Variants in SOCS7 observed in about 807,000 individuals in gnomAD.
SOCS7 encodes NAP-4.
SOCS7 carries 18 observed loss-of-function variants against 58.9 expected under a neutral mutation model. The observed-to-expected ratio is 0.31, with a 90% CI of 0.21 to 0.45. SOCS7 has a LOEUF of 0.45. SOCS7 is among the 20% of genes least tolerant of loss of function. SOCS7 has a pLI of 1.00. For missense variants in SOCS7, 667 were observed against 837.3 expected, an observed-to-expected ratio of 0.80 and a Z score of 2.51; for synonymous variants, 388 against 364.3, an observed-to-expected ratio of 1.06 and a Z score of -0.74.
At position 38,366,397 on chromosome 17, in the gene SOCS7, A is replaced by G; in HGVS notation, c.1363A>G (p.Ser455Gly). The part of the protein sequence containing the change: ...YRPDSSSFAA[S>G]LRELEKCGWY... ...GCCTGACTCGAGCAGCTTTGCAGCC[A>G]GCCTTCGAGAGTTGGAGAAGGTAGG... The change falls in exon 5 of 10, where the codon AGC (serine) becomes GGC (glycine). Residue 455 changes from serine (S) to glycine (G), a missense_variant. Coordinates refer to ENST00000612932, the MANE Select transcript of SOCS7 (RefSeq NM_014598.4). The G allele has an allele frequency of 6.2e-7, 1 of 1,614,230 alleles. No homozygotes were observed. Among genetic ancestry groups the G allele is most frequent in the Non-Finnish European group, 8.5e-7 (1 of 1,180,044 alleles).
At chr17:38,365,236 C>T in intron 3 of SOCS7, 72 bp from the exon 4 acceptor site, 2 of 1,168,924 alleles carry the variant, frequency 1.7e-6, no homozygotes, top group Non-Finnish European at 2.5e-6. Flanking sequence ...GTCCTTCTCC[C>T]TCTCCTCTGC....
intron 6 of SOCS7, among the ~76,000 whole-genome samples, chr17:38,371,544 AC>A (rs2037865481): frequency 4.3e-4 from 1 of 2,340 alleles, no homozygotes; most frequent in South Asian, 0.036. Flanking sequence ...TGTTGGGATT[AC>A]TGGCGAACTC....
chr17:38,387,113 A>ATATATGTGTGTGTG, intron 7 of SOCS7, among the ~76,000 whole-genome samples: 1 of 103,486 alleles, frequency 9.7e-6, no homozygotes, highest in East Asian at 2.5e-4. Flanking sequence ...ATATATATAT[A>ATATATGTGTGTGTG]TATATATATA....
intron 1 of SOCS7, among the ~76,000 whole-genome samples, chr17:38,353,902 C>G (rs1188908885): frequency 1.3e-5 from 2 of 152,148 alleles, no homozygotes; most frequent in Non-Finnish European, 2.9e-5. Flanking sequence ...CTCCAGCTTG[C>G]GTGACAGAGT....
At chr17:38,361,650 A>C (rs1555567587) in intron 1 of SOCS7, 61 bp from the exon 2 acceptor site, 2 of 1,274,792 alleles carry the variant, frequency 1.6e-6, no homozygotes, top group African/African-American at 2.9e-5. Context: ...TGTTGTGGTG[A>C]CTTAAATGCA....
chr17:38,355,666 C>A (rs983768460), intron 1 of SOCS7, among the ~76,000 whole-genome samples: 3 of 152,180 alleles, frequency 2.0e-5, no homozygotes, highest in Non-Finnish European at 2.9e-5. Flanking sequence ...CTTCTATAGT[C>A]TTTGCTGTAT....
At chr17:38,377,962 AC>A in intron 7 of SOCS7, 120 bp downstream of exon 7, 1 of 865,556 alleles carries the variant, frequency 1.2e-6, no homozygotes. Flanking sequence ...TGTTGGAGCC[AC>A]CACTCCTCTT....
intron 6 of SOCS7, among the ~76,000 whole-genome samples, chr17:38,377,458 T>G (rs1323852616): frequency 6.6e-6 from 1 of 152,158 alleles, no homozygotes; most frequent in Admixed American, 6.5e-5. Context: ...GTCTCAAGCA[T>G]TTCGGATAAG....
At chr17:38,362,051 A>T (rs1555567679) in intron 2 of SOCS7, among the ~76,000 whole-genome samples, 1 of 152,230 alleles carries the variant, frequency 6.6e-6, no homozygotes, top group Non-Finnish European at 1.5e-5. Context: ...CAGGGTCATC[A>T]CATATAAATT....
At chr17:38,365,841 G>A (rs1039336307) in intron 4 of SOCS7, 1 of 289,122 alleles carries the variant, frequency 3.5e-6, no homozygotes, top group African/African-American at 2.2e-5. Flanking sequence ...TGCTTTGCCA[G>A]CTTACAGTAC....
At chr17:38,366,009 C>A (rs1478633467) in intron 4 of SOCS7, 9 of 1,193,698 alleles carry the variant, frequency 7.5e-6, no homozygotes, top group Non-Finnish European at 8.3e-6. Context: ...GCTGGTGAAG[C>A]CCCTGAAGTA....
In SOCS7 at chr17:38,352,050, C is replaced by T. The variant is rs1364865774; in HGVS notation, c.-3C>T. On this transcript the variant is annotated 5_prime_UTR_variant, in exon 1 of 10. Coordinates refer to ENST00000612932, the MANE Select transcript of SOCS7 (RefSeq NM_014598.4). This position sits in a 1 kb window ranked among gnomAD's most constrained non-coding sequence, Gnocchi z 5.5. ...AGCCGCCCGCCCTCCCTCCCTCTCC[C>T]CGATGCAGGAGGCCGAGCTCCGGGA... Among the ~76,000 whole-genome samples, 1 of 151,300 alleles carries T rather than the reference C, an allele frequency of 6.6e-6. No homozygotes were observed. The highest frequency in any genetic ancestry group is 1.5e-5 in the Non-Finnish European group (1 of 67,698).
chr17:38,358,016 G>T (rs1464272951), intron 1 of SOCS7, among the ~76,000 whole-genome samples: 3 of 152,164 alleles, frequency 2.0e-5, no homozygotes, highest in Non-Finnish European at 4.4e-5. Context: ...GAGGCATCCT[G>T]TTTTTTTGTT....
At chr17:38,393,878 C>T (rs528860725) in intron 7 of SOCS7, among the ~76,000 whole-genome samples, 1 of 151,694 alleles carries the variant, frequency 6.6e-6, no homozygotes, top group East Asian at 1.9e-4. Context: ...CCAGCCTGGG[C>T]GACAGAGCAA....
chr17:38,375,488 T>C (rs1484579402), intron 6 of SOCS7, among the ~76,000 whole-genome samples: 2 of 152,220 alleles, frequency 1.3e-5, no homozygotes, highest in Non-Finnish European at 1.5e-5. Flanking sequence ...GTTTTCTTAA[T>C]AGTATTCCTT....
At chr17:38,358,583 GTTTTT>G (rs58125108) in intron 1 of SOCS7, among the ~76,000 whole-genome samples, 1 of 139,116 alleles carries the variant, frequency 7.2e-6, no homozygotes, top group Non-Finnish European at 1.6e-5. Context: ...CTTTGTTGTT[GTTTTT>G]TTTTTTTTAT....
chr17:38,396,349 G>C (rs2038245509), intron 9 of SOCS7, among the ~76,000 whole-genome samples: 1 of 152,200 alleles, frequency 6.6e-6, no homozygotes, highest in African/African-American at 2.4e-5. Flanking sequence ...CTCTCATACA[G>C]ACTTGGGCTG....
chr17:38,359,530 A>T (rs1317067200), intron 1 of SOCS7, among the ~76,000 whole-genome samples: 1 of 152,182 alleles, frequency 6.6e-6, no homozygotes, highest in African/African-American at 2.4e-5. Context: ...ATGCATAAAT[A>T]TCTTCTGAAG....
At chr17:38,365,089 C>T (rs954006358) in intron 3 of SOCS7, among the ~76,000 whole-genome samples, 22 of 152,174 alleles carry the variant, frequency 1.4e-4, no homozygotes, top group Non-Finnish European at 2.6e-4. Flanking sequence ...GCCTTGAACC[C>T]ACTGCTATTG....
Sources: allele counts gnomAD v4.1 joint callset (sites outside exome capture counted in the v4.1 genomes callset), GRCh38; gene constraint gnomAD v4.1.1; non-coding constraint Gnocchi (gnomAD v3.1); transcripts MANE v1.5; gene names NCBI Gene and HGNC (gene_info 2026-07-23, HGNC 2026-07-21).